The following MS4A6E variants were observed in gnomAD, a reference collection of about 807,000 sequenced individuals.
The protein encoded by MS4A6E is membrane-spanning 4-domains subfamily A member 6E.
MS4A6E carries 8 observed loss-of-function variants against 13.2 expected under a neutral mutation model. The ratio of observed to expected loss-of-function variants is 0.60; its 90% confidence interval spans 0.35 to 1.09. MS4A6E has a LOEUF of 1.09. Among genes scored for constraint, MS4A6E ranks in the 50% least tolerant of loss-of-function variants. The pLI, the probability that MS4A6E is intolerant of heterozygous loss-of-function variation, is 0.02. For missense variants in MS4A6E, 177 were observed against 171.1 expected, an observed-to-expected ratio of 1.03 and a Z score of -0.19; for synonymous variants, 72 against 67.6, an observed-to-expected ratio of 1.06 and a Z score of -0.32.
At chr11:60,341,696 G>A (rs11230282), downstream of MS4A6E, among the ~76,000 whole-genome samples, 47,616 of 151,910 alleles carry the variant, frequency 0.31, 8,171 homozygotes, top group African/African-American at 0.46. Context: ...ACCCTCTGTA[G>A]CAGGGGTCAT....
chr11:60,344,603 C>T (rs1191822361), downstream of MS4A6E, among the ~76,000 whole-genome samples: 1 of 152,172 alleles, frequency 6.6e-6, no homozygotes, highest in African/African-American at 2.4e-5. Flanking sequence ...AGTTTGCCAT[C>T]CTGACTGTAG....
chr11:60,343,056 A>T (rs910243401), downstream of MS4A6E, among the ~76,000 whole-genome samples: 1 of 152,142 alleles, frequency 6.6e-6, no homozygotes, highest in Non-Finnish European at 1.5e-5. Flanking sequence ...GCTCCTCCTG[A>T]GTTCAATCTA....
downstream of MS4A6E, among the ~76,000 whole-genome samples, chr11:60,341,398 A>G (rs1391102977): frequency 6.6e-6 from 1 of 152,204 alleles, no homozygotes; most frequent in African/African-American, 2.4e-5. Context: ...CAACAATGAC[A>G]GACATAAACC....
chr11:60,329,533 G>A (rs2085140918), intron 1 of MS4A6E, among the ~76,000 whole-genome samples: 1 of 152,108 alleles, frequency 6.6e-6, no homozygotes, highest in South Asian at 2.1e-4. Flanking sequence ...GGGTCAAATG[G>A]TATTTCAAGT....
intron 1 of MS4A6E, among the ~76,000 whole-genome samples, chr11:60,334,052 G>A (rs963508692): frequency 2.0e-5 from 3 of 152,206 alleles, no homozygotes; most frequent in African/African-American, 4.8e-5. Flanking sequence ...GGAAGCAACA[G>A]GAGTGGGCCA....
At chr11:60,338,149 A>G (rs1397863159) in intron 3 of MS4A6E, among the ~76,000 whole-genome samples, 1 of 152,236 alleles carries the variant, frequency 6.6e-6, no homozygotes, top group African/African-American at 2.4e-5. Context: ...GAAATGTCAG[A>G]TAAGGTTGAT....
chr11:60,337,799 T>C lies in MS4A6E; in HGVS notation c.206T>C (p.Ile69Thr). The C allele has an allele frequency of 6.2e-7, 1 of 1,614,238 alleles. No homozygotes were observed. Among genetic ancestry groups the C allele is most frequent in the Non-Finnish European group, 8.5e-7 (1 of 1,180,042 alleles). ...LSALSALVGF[I>T]LLSVNPAALN... Reference sequence around the variant, plus strand: ...GCTCTGTCTGCCCTGGTGGGTTTCATTCTCCTGTCTGTCAACCCGGCTGCA... The same window carrying C: ...GCTCTGTCTGCCCTGGTGGGTTTCACTCTCCTGTCTGTCAACCCGGCTGCA... The change falls in exon 3 of 5, where the codon ATT (isoleucine) becomes ACT (threonine). Residue 69 changes from isoleucine to threonine, a missense_variant. Ile to Thr is a moderately conservative substitution (Grantham distance 89, BLOSUM62 -1). Transcript: ENST00000684409.
chr11:60,348,512 C>T (rs2085265571), intron 4 of MS4A6E, among the ~76,000 whole-genome samples: 3 of 152,296 alleles, frequency 2.0e-5, no homozygotes, highest in South Asian at 4.1e-4. Context: ...GCATTGCATA[C>T]AGAGGATAAG....
chr11:60,343,656 C>T (rs1290827668), downstream of MS4A6E, among the ~76,000 whole-genome samples: 1 of 152,128 alleles, frequency 6.6e-6, no homozygotes, highest in African/African-American at 2.4e-5. Flanking sequence ...TATCTGGCTG[C>T]GAATCTCGAG....
intron 3 of MS4A6E, 38 bp from the exon 4 acceptor site, chr11:60,339,828 A>AC (rs1565157033): frequency 7.6e-6 from 12 of 1,581,822 alleles, no homozygotes; most frequent in Non-Finnish European, 1.0e-5. Context: ...GCTTCGGCTG[A>AC]CCCAAGCATC....
chr11:60,332,948 G>A (rs1013389076), intron 1 of MS4A6E, among the ~76,000 whole-genome samples: 1 of 152,190 alleles, frequency 6.6e-6, no homozygotes, highest in Non-Finnish European at 1.5e-5. Flanking sequence ...CTCACAAAGA[G>A]CCCACACGCT....
downstream of MS4A6E, among the ~76,000 whole-genome samples, chr11:60,342,167 GTGTGTGTGTGTGAGAGAGAGAGAGAGA>G (rs2085229596): frequency 5.8e-5 from 2 of 34,448 alleles, no homozygotes; most frequent in African/African-American, 2.2e-4. Context: ...GTGTGTGTGT[GTGTGTGTGTGTGAGAGAGAGAGAGAGA>G]GAGAGAGGGG....
chr11:60,343,878 A>T (rs1358631327), downstream of MS4A6E, among the ~76,000 whole-genome samples: 1 of 152,200 alleles, frequency 6.6e-6, no homozygotes, highest in African/African-American at 2.4e-5. Flanking sequence ...GCAGGAATTA[A>T]TACCTGTAAC....
At chr11:60,333,513 G>C (rs1305853059) in intron 1 of MS4A6E, among the ~76,000 whole-genome samples, 1 of 152,130 alleles carries the variant, frequency 6.6e-6, no homozygotes, top group African/African-American at 2.4e-5. Flanking sequence ...GAATGGAGGG[G>C]GAAACACGAT....
chr11:60,344,734 A>G (rs1289646961), downstream of MS4A6E, among the ~76,000 whole-genome samples: 2 of 152,078 alleles, frequency 1.3e-5, no homozygotes, highest in African/African-American at 2.4e-5. Context: ...AAGTCCATAG[A>G]TGTCTTGAGG....
At chr11:60,344,184 G>A (rs1289449489), downstream of MS4A6E, among the ~76,000 whole-genome samples, 1 of 152,148 alleles carries the variant, frequency 6.6e-6, no homozygotes, top group African/African-American at 2.4e-5. Flanking sequence ...TTGTCACTTT[G>A]GAGGTATTTA....
intron 1 of MS4A6E, among the ~76,000 whole-genome samples, chr11:60,332,993 T>G (rs2135056946): frequency 6.6e-6 from 1 of 152,364 alleles, no homozygotes; most frequent in African/African-American, 2.4e-5. Flanking sequence ...AGGAAAATGT[T>G]TCTTCCTTTC....
At position 60,340,308 on chromosome 11, in the gene MS4A6E, G is replaced by T. The variant is rs113160569; in HGVS notation, c.*9+344G>T. ...TGCTGAGGACGCTAGAACCTGGCTT[G>T]CCTCCCTTCTAAGCAGAAACAATTT... On this transcript the variant is annotated intron_variant, in intron 4 of 4. Coordinates refer to ENST00000684409, the MANE Select transcript of MS4A6E (RefSeq NM_139249.4). Among the ~76,000 whole-genome samples the T allele has an allele frequency of 1.5e-3, 235 of 152,258 alleles. 1 individual carries two copies. The highest frequency in any genetic ancestry group is 5.4e-3 in the African/African-American group (225 of 41,542).
rs2085178874 is a variant in MS4A6E at position 60,334,946 on chromosome 11, T to C, written c.51T>C (p.Asn17=). ...SNETIIMLPS[N]VINFSQAEKP... ...AGACCATCATAATGCTCCCATCAAA[T>C]GTCATCAACTTCTCCCAAGCAGAGA... is the stretch of plus-strand genomic sequence containing the variant. Residue 17 remains asparagine (N), a synonymous_variant, in exon 2 of 5, where the codon AAT becomes AAC. Coordinates refer to ENST00000684409, the MANE Select transcript of MS4A6E (RefSeq NM_139249.4). 6.2e-7 allele frequency: 1 copy of C among 1,614,020 alleles called. No homozygotes were observed. The highest frequency in any genetic ancestry group is 1.3e-5 in the African/African-American group (1 of 74,912).
Sources: gnomAD v4.1 joint callset for allele counts (sites outside exome capture counted in the v4.1 genomes callset) on GRCh38, gnomAD v4.1.1 for gene constraint, MANE v1.5 for transcripts, NCBI Gene and HGNC (gene_info 2026-07-23, HGNC 2026-07-21) for gene names.